PLCB1: variants seen among roughly 807,000 people sequenced by gnomAD.
The protein encoded by PLCB1 is 1-phosphatidylinositol 4,5-bisphosphate phosphodiesterase beta-1.
Under a neutral mutation model 161.8 loss-of-function variants are expected in PLCB1, and 46 were observed. The ratio of observed to expected loss-of-function variants is 0.28; its 90% CI spans 0.22 to 0.36. PLCB1 has a LOEUF of 0.36. Ranked by LOEUF, PLCB1 falls within the 10% of genes least tolerant of loss-of-function variation. PLCB1 has a pLI of 1.00. For synonymous variants in PLCB1, 517 were observed against 503.7 expected (o/e 1.03, Z -0.35); for missense variants, 1,016 against 1,472.5 (o/e 0.69, Z 5.07).
At chr20:8,523,486 C>CCATATATATA (rs1341360626) in intron 3 of PLCB1, among the ~76,000 whole-genome samples, 3 of 61,172 alleles carry the variant, frequency 4.9e-5, no homozygotes, top group African/African-American at 2.7e-4. Flanking sequence ...CTCTCTCTCT[C>CCATATATATA]TCTCTCTCTC....
chr20:8,804,526 T>C (rs532693733), intron 31 of PLCB1, among the ~76,000 whole-genome samples: 1 of 152,210 alleles, frequency 6.6e-6, no homozygotes, highest in Non-Finnish European at 1.5e-5. Flanking sequence ...AATCCCATTA[T>C]AGCATTTTAT....
Position 8,658,392 on chromosome 20 carries a change from GCA to G in PLCB1, c.696-143_696-142del, listed in dbSNP as rs1989524781. ...GAGGTATAGAAATTATGGTGGAGAA[GCA>G]CAGTGTTTTCAGGGCAAGATAGGAG... On this transcript the variant is annotated intron_variant, in intron 8 of 31. Transcript: ENST00000338037. 1.5e-5 allele frequency: 9 copies of G among 612,054 alleles called. No homozygotes were observed. The South Asian group carries it at 1.9e-4, about 13-fold the overall frequency. 37.9% of individuals were successfully genotyped at this position (612,054 alleles called of 1,614,324 possible).
chr20:8,621,171 T>C (rs1988173556), intron 3 of PLCB1, among the ~76,000 whole-genome samples: 1 of 152,272 alleles, frequency 6.6e-6, no homozygotes, highest in South Asian at 2.1e-4. Context: ...CTTTTCATGC[T>C]TTGTCGGGGG....
intron 2 of PLCB1, among the ~76,000 whole-genome samples, chr20:8,255,814 G>T (rs923489314): frequency 6.6e-6 from 1 of 151,876 alleles, no homozygotes; most frequent in Non-Finnish European, 1.5e-5. Context: ...TATTCTGGGG[G>T]TTATTTTTAC....
At chr20:8,631,449 T>G (rs1018468642) in intron 4 of PLCB1, among the ~76,000 whole-genome samples, 5 of 152,324 alleles carry the variant, frequency 3.3e-5, no homozygotes, top group Admixed American at 1.3e-4. Context: ...ATTTGGCAGC[T>G]TTTTGGTCTA....
chr20:8,449,671 C>G (rs761397774), intron 3 of PLCB1, among the ~76,000 whole-genome samples: 9 of 152,162 alleles, frequency 5.9e-5, no homozygotes, highest in Non-Finnish European at 1.2e-4. Flanking sequence ...GTGAGCCCCC[C>G]ACTCAATACA....
rs531260197 is a variant in PLCB1 at position 8,178,807 on chromosome 20, TG to T, written c.177+28437del. ...CTTTAATCCATTTGGAGTTTATTTT[TG>T]TATATGGTTTAAAGAAATGGTCCTG... On this transcript the variant is annotated intron_variant, in intron 2 of 31. Transcript: ENST00000338037. 6.0e-3 allele frequency among the ~76,000 whole-genome samples: 915 copies of T among 152,338 alleles called. 6 individuals carry two copies. The highest frequency in any genetic ancestry group is 7.6e-3 in the Non-Finnish European group (516 of 68,032).
chr20:8,190,843 A>G (rs1243299003), intron 2 of PLCB1, among the ~76,000 whole-genome samples: 1 of 152,090 alleles, frequency 6.6e-6, no homozygotes, highest in African/African-American at 2.4e-5. Context: ...CTGCAGCTTC[A>G]AATATTTAAT....
At chr20:8,766,068 G>T (rs1013336678) in intron 26 of PLCB1, among the ~76,000 whole-genome samples, 4 of 152,066 alleles carry the variant, frequency 2.6e-5, no homozygotes, top group Non-Finnish European at 4.4e-5. Flanking sequence ...TCTAATTTGG[G>T]CCTGGGTTCC....
chr20:8,509,534 GA>G (rs1464753036), intron 3 of PLCB1, among the ~76,000 whole-genome samples: 2 of 152,176 alleles, frequency 1.3e-5, no homozygotes, highest in East Asian at 3.8e-4. Flanking sequence ...AAAGTACCAT[GA>G]AGAGGAGGTA....
rs572803031 is a variant in PLCB1 at position 8,309,150 on chromosome 20, A to G, written c.178-62232A>G. Among the ~76,000 whole-genome samples, 3 of 152,318 alleles carry G rather than the reference A, an allele frequency of 2.0e-5. No homozygotes were observed. The South Asian group carries it at 6.2e-4, about 32-fold the overall frequency. ...CTGAGGTGGGAGAATCTCTGGTTTT[A>G]TACAACAGTAGGTTGCCCATGGCTT... On this transcript the variant is annotated intron_variant, in intron 2 of 31. Transcript: ENST00000338037.
At chr20:8,581,637 T>C (rs1049605240) in intron 3 of PLCB1, among the ~76,000 whole-genome samples, 20 of 152,150 alleles carry the variant, frequency 1.3e-4, no homozygotes, top group African/African-American at 4.8e-4. Context: ...TGACTCACTA[T>C]CCAGGTTTGC....
intron 3 of PLCB1, among the ~76,000 whole-genome samples, chr20:8,554,082 G>GAAA (rs58969181): frequency 2.9e-4 from 41 of 140,054 alleles, no homozygotes; most frequent in South Asian, 4.6e-4. Flanking sequence ...TAAAATTAAG[G>GAAA]AAAAAAAAAA....
intron 3 of PLCB1, among the ~76,000 whole-genome samples, chr20:8,458,335 GATCA>G (rs1159793948): frequency 1.3e-5 from 2 of 152,280 alleles, no homozygotes; most frequent in Admixed American, 6.5e-5. Context: ...CATCTCTCAT[GATCA>G]ATCAATATTT....
At chr20:8,294,659 CTT>C (rs1983547449) in intron 2 of PLCB1, among the ~76,000 whole-genome samples, 1 of 150,180 alleles carries the variant, frequency 6.7e-6, no homozygotes, top group Admixed American at 6.6e-5. Context: ...ATAAGATGGC[CTT>C]ATCAGAAGTG....
chr20:8,452,419 C>A (rs2122651952), intron 3 of PLCB1, among the ~76,000 whole-genome samples: 1 of 152,300 alleles, frequency 6.6e-6, no homozygotes, highest in Middle Eastern at 3.4e-3. Context: ...GAAAACTTAG[C>A]TCTGCCATTA....
intron 31 of PLCB1, among the ~76,000 whole-genome samples, chr20:8,879,296 GA>G (rs11470638): frequency 0.057 from 7,902 of 138,462 alleles, 615 homozygotes; most frequent in African/African-American, 0.18. Flanking sequence ...TTTTTGATGT[GA>G]AAAAAAAAAA....
intron 3 of PLCB1, among the ~76,000 whole-genome samples, chr20:8,590,250 A>C (rs1987108428): frequency 2.0e-5 from 3 of 152,192 alleles, no homozygotes. Context: ...TTCCCAGCAC[A>C]ATGTACCTAT....
At chr20:8,198,157 C>T (rs2052048785) in intron 2 of PLCB1, among the ~76,000 whole-genome samples, 1 of 151,994 alleles carries the variant, frequency 6.6e-6, no homozygotes, top group Non-Finnish European at 1.5e-5. Flanking sequence ...TTTTTTCGTT[C>T]CATATGAACT....
Sources: allele counts gnomAD v4.1 joint callset (sites outside exome capture counted in the v4.1 genomes callset), GRCh38; gene constraint gnomAD v4.1.1; transcripts MANE v1.5; gene names NCBI Gene and HGNC (gene_info 2026-07-23, HGNC 2026-07-21).